COPA: variants seen among roughly 807,000 people sequenced by gnomAD.
COPA encodes the protein coat protein complex I subunit alpha, also known as coatomer subunit alpha.
A neutral mutation model predicts 158.7 loss-of-function variants in COPA; 10 were observed. The observed-to-expected ratio is 0.06, with a 90% CI of 0.04 to 0.11. The LOEUF is 0.11. COPA is among the 10% of genes least tolerant of loss of function. The pLI, the probability that COPA is intolerant of heterozygous loss-of-function variation, is 1.00. For missense variants in COPA, 1,065 were observed against 1,536.7 expected (o/e 0.69, Z 5.13); for synonymous variants, 462 against 542.8 (o/e 0.85, Z 2.07).
At chr1:160,304,763 C>T (rs1171483974) in intron 17 of COPA, among the ~76,000 whole-genome samples, 1 of 152,126 alleles carries the variant, frequency 6.6e-6, no homozygotes, top group African/African-American at 2.4e-5. Flanking sequence ...AATGTATGTA[C>T]ATGTACCCCA....
intron 3 of COPA, among the ~76,000 whole-genome samples, chr1:160,338,352 C>T (rs1185923859): frequency 6.6e-6 from 1 of 152,164 alleles, no homozygotes; most frequent in African/African-American, 2.4e-5. Context: ...ATTCTAATAG[C>T]TCTTTTCTCT....
chr1:160,331,095 C>CA (rs1647492163), intron 6 of COPA, among the ~76,000 whole-genome samples: 1 of 152,006 alleles, frequency 6.6e-6, no homozygotes, highest in Non-Finnish European at 1.5e-5. Context: ...AAAGAAACAA[C>CA]AAATACTAAC....
chr1:160,330,711 T>C (rs909880940), intron 6 of COPA, among the ~76,000 whole-genome samples: 1 of 152,232 alleles, frequency 6.6e-6, no homozygotes, highest in Non-Finnish European at 1.5e-5. Flanking sequence ...GAGTTGGGAA[T>C]AGTTATCACC....
intron 8 of COPA, among the ~76,000 whole-genome samples, chr1:160,314,574 G>A (rs560265185): frequency 9.7e-4 from 147 of 152,196 alleles, no homozygotes; most frequent in Non-Finnish European, 1.7e-3. Context: ...AGACGGCAGT[G>A]AGCCGTGAAT....
intron 17 of COPA, among the ~76,000 whole-genome samples, chr1:160,303,649 G>A (rs1178598124): frequency 1.3e-5 from 2 of 152,078 alleles, no homozygotes; most frequent in Non-Finnish European, 2.9e-5. Context: ...AAAATAGGAT[G>A]AAACCTAATA....
intron 14 of COPA, among the ~76,000 whole-genome samples, 170 bp downstream of exon 14, chr1:160,306,993 C>A (rs995585924): frequency 6.6e-6 from 1 of 152,238 alleles, no homozygotes; most frequent in Non-Finnish European, 1.5e-5. Flanking sequence ...AGTTTTAATG[C>A]CATTCCCCCA....
chr1:160,309,969 T>C (rs908911013), intron 12 of COPA, among the ~76,000 whole-genome samples: 4 of 152,184 alleles, frequency 2.6e-5, no homozygotes, highest in African/African-American at 9.7e-5. Flanking sequence ...ATTCTGATGC[T>C]CCATTAAGTT....
chr1:160,301,549 G>T (rs76771726), intron 17 of COPA, among the ~76,000 whole-genome samples: 1 of 152,028 alleles, frequency 6.6e-6, no homozygotes. Flanking sequence ...ACGGCAGGCC[G>T]ACTGCTTGAG....
At chr1:160,320,383 G>A (rs889239737) in intron 8 of COPA, among the ~76,000 whole-genome samples, 3 of 152,008 alleles carry the variant, frequency 2.0e-5, no homozygotes, top group Admixed American at 1.3e-4. Context: ...GTGGAGACAG[G>A]TGGATCACTT....
At chr1:160,321,350 A>G (rs1659325852) in intron 8 of COPA, among the ~76,000 whole-genome samples, 1 of 152,240 alleles carries the variant, frequency 6.6e-6, no homozygotes, top group Admixed American at 6.5e-5. Context: ...CAGGTCAAGT[A>G]GGTATGAGAA....
chr1:160,292,204 A>AAGGGAAAAGT lies in COPA; in HGVS notation c.2961-16_2961-7dup, dbSNP rs1205763925. 1 of 1,608,418 alleles carries AAGGGAAAAGT rather than the reference A, an allele frequency of 6.2e-7. No individual in the cohort carries two copies. The highest frequency in any genetic ancestry group is 2.2e-5 in the East Asian group (1 of 44,762). ...TCTTCAGCCCTGCATCCTTCCTGGA[A>AAGGGAAAAGT]AGGGAAAAGTAGGAAGAAGACAGGA... On this transcript the variant is annotated splice_polypyrimidine_tract_variant and splice_region_variant and intron_variant, in intron 28 of 32. Coordinates refer to ENST00000241704, the MANE Select transcript of COPA (RefSeq NM_004371.4).
chr1:160,298,155 T>G (rs1412233783), intron 19 of COPA, among the ~76,000 whole-genome samples: 1 of 147,806 alleles, frequency 6.8e-6, no homozygotes, highest in African/African-American at 2.5e-5. Context: ...CACTCCAGCC[T>G]GGGCAACAAG....
intron 1 of COPA, among the ~76,000 whole-genome samples, chr1:160,340,934 T>G (rs1054329749): frequency 6.6e-6 from 1 of 152,168 alleles, no homozygotes; most frequent in African/African-American, 2.4e-5. Context: ...TTATGTCTCC[T>G]CAGAAAGACC....
intron 14 of COPA, 98 bp downstream of exon 14, chr1:160,307,065 C>T (rs1371797225): frequency 2.5e-6 from 3 of 1,199,434 alleles, no homozygotes; most frequent in Non-Finnish European, 1.2e-6. Flanking sequence ...CACGGCTGCC[C>T]GGGGGAGAAC....
intron 5 of COPA, 132 bp downstream of exon 5, chr1:160,333,471 T>C: frequency 1.7e-6 from 1 of 594,330 alleles, no homozygotes; most frequent in Admixed American, 3.2e-5. Flanking sequence ...AAAAGCATCC[T>C]ACAAATACAA....
chr1:160,322,932 G>A (rs942346859), intron 8 of COPA, among the ~76,000 whole-genome samples: 3 of 151,314 alleles, frequency 2.0e-5, no homozygotes, highest in East Asian at 1.9e-4. Flanking sequence ...GCCAAAATAC[G>A]GAATCAACTT....
In COPA at chr1:160,297,257, C is replaced by T. The variant is rs1658446195; in HGVS notation, c.2263+86G>A. On this transcript the variant is annotated intron_variant, in intron 21 of 32. Transcript: ENST00000241704. ...AAAAATGCACAATAAAGAGAAATCC[C>T]TCACCACTATACACAGATTAACTCA... 9 of 1,158,628 alleles carry T rather than the reference C, an allele frequency of 7.8e-6. No individual in the cohort carries two copies. In the Admixed American group the frequency reaches 1.3e-4, roughly 17 times the overall value. 71.8% of individuals were successfully genotyped at this position (1,158,628 alleles called of 1,614,324 possible).
intron 12 of COPA, among the ~76,000 whole-genome samples, chr1:160,309,825 A>C (rs1571161951): frequency 6.6e-6 from 1 of 151,666 alleles, no homozygotes; most frequent in African/African-American, 2.4e-5. Context: ...ACTGATATGA[A>C]CTTCCTCTCA....
At position 160,343,206 on chromosome 1, in the gene COPA, C is replaced by A; in HGVS notation, c.-36G>T. 2 of 1,613,842 alleles carry A rather than the reference C, an allele frequency of 1.2e-6. No individual in the cohort carries two copies. The highest frequency in any genetic ancestry group is 2.2e-5 in the South Asian group (2 of 91,072). On this transcript the variant is annotated 5_prime_UTR_variant, in exon 1 of 33. Coordinates refer to ENST00000241704, the MANE Select transcript of COPA (RefSeq NM_004371.4). ...TCCGACTCCGATGTCTTAATCCGAG[C>A]CCCGACACACCCTGCTGCCCTTCGG...
Sources: allele counts gnomAD v4.1 joint callset (sites outside exome capture counted in the v4.1 genomes callset), GRCh38; gene constraint gnomAD v4.1.1; transcripts MANE v1.5; gene names NCBI Gene and HGNC (gene_info 2026-07-23, HGNC 2026-07-21).